Variants in SMC2 observed in about 807,000 individuals in gnomAD.
SMC2 encodes the protein structural maintenance of chromosomes 2, also known as structural maintenance of chromosomes protein 2.
In SMC2, 41 loss-of-function variants were observed where a neutral mutation model predicts 142.6. That is an observed-to-expected ratio of 0.29 (90% confidence interval 0.22 to 0.37). The LOEUF is 0.37. SMC2 is among the 10% of genes least tolerant of loss of function. The pLI, the probability that SMC2 is intolerant of heterozygous loss-of-function variation, is 1.00. For synonymous variants in SMC2, 463 were observed against 457.5 expected (o/e 1.01, Z -0.15); for missense variants, 1,265 against 1,373.7 (o/e 0.92, Z 1.25).
Position 104,116,115 on chromosome 9 carries a change from A to G in SMC2, c.1672-85A>G, listed in dbSNP as rs375745442. On this transcript the variant is annotated intron_variant, in intron 13 of 24. Coordinates refer to ENST00000374793, the MANE Select transcript of SMC2 (RefSeq NM_006444.3). ...TTGGGATAAATGGCACTAAACATTC[A>G]TTTATTATAGACTACTAAACTTGCA... The G allele has an allele frequency of 2.6e-5, 31 of 1,213,728 alleles. No individual in the cohort carries two copies. The East Asian group carries it at 7.4e-4, about 29-fold the overall frequency. 75.2% of individuals were successfully genotyped at this position (1,213,728 alleles called of 1,614,324 possible).
Position 104,120,033 on chromosome 9 carries a change from G to T in SMC2, c.2003G>T (p.Arg668Leu). 6.2e-7 allele frequency: 1 copy of T among 1,613,832 alleles called. No homozygotes were observed. The highest frequency in any genetic ancestry group is 8.5e-7 in the Non-Finnish European group (1 of 1,179,874). ...TTCAATTTGCCTCTATCAGGTGCTC[G>T]ATCCCAGGCAGCTTCCATTTTAACC... ...DPHGTLSGGA[R>L]SQAASILTKF... The change falls in exon 16 of 25, where the codon CGA becomes CTA. Residue 668 changes from arginine (R) to leucine (L), a missense_variant. By Grantham distance (102) the Arg-to-Leu change is moderately radical. Around this residue, in one of 4 missense-constraint regions of SMC2, gnomAD observed 898 missense variants for 904.2 expected, o/e 0.99. Transcript: ENST00000374793.
Position 104,100,140 on chromosome 9 carries a change from CA to C in SMC2, c.535del (p.Ile179Ter), listed in dbSNP as rs1190851291. On this transcript the variant is annotated frameshift_variant, in exon 6 of 25. Transcript: ENST00000374793. LOFTEE classifies it high-confidence loss of function. ...EAAGTRMYEY[K>X]KIAAQKTIEK... ...CAGCTGGAACCAGGATGTATGAATACAAAAAAATAGCTGCACAGAAAACTAT... is the reference window on the plus strand; with the variant it reads ...CAGCTGGAACCAGGATGTATGAATACAAAAAATAGCTGCACAGAAAACTAT... The C allele has an allele frequency of 2.5e-6, 4 of 1,577,336 alleles. No individual in the cohort carries two copies. The South Asian group carries it at 3.6e-5, about 14-fold the overall frequency.
intron 9 of SMC2, among the ~76,000 whole-genome samples, chr9:104,110,167 A>G (rs963467342): frequency 6.6e-6 from 1 of 152,152 alleles, no homozygotes; most frequent in Non-Finnish European, 1.5e-5. Context: ...CCCGAATAAC[A>G]TGGGATCCAT....
In SMC2 at chr9:104,111,724, C is replaced by T. The variant is rs2131380380; in HGVS notation, c.1164C>T (p.Ser388=). 6.2e-7 allele frequency: 1 copy of T among 1,614,010 alleles called. No homozygotes were observed. Among genetic ancestry groups the T allele is most frequent in the Non-Finnish European group, 8.5e-7 (1 of 1,179,944 alleles). The change falls in exon 10 of 25, where the codon TCC becomes TCT. Residue 388 remains serine, a synonymous_variant. Transcript: ENST00000374793. ...TCAATGCTGTTTCCGCTGGCCTGTC[C>T]AGTAATGAAGATGGAGCAGAAGCAA... is the stretch of plus-strand genomic sequence containing the variant. ...QHFNAVSAGL[S]SNEDGAEATL...
chr9:104,110,007 T>C (rs897444293), intron 9 of SMC2, among the ~76,000 whole-genome samples: 4 of 152,214 alleles, frequency 2.6e-5, no homozygotes, highest in African/African-American at 9.6e-5. Context: ...CACCTCCTGT[T>C]GCTATTGTGG....
chr9:104,093,483 C>T (rs1456673127), upstream of SMC2, among the ~76,000 whole-genome samples: 2 of 152,158 alleles, frequency 1.3e-5, no homozygotes, highest in African/African-American at 4.8e-5. Context: ...AGGGCAATTT[C>T]TGATTTCATA....
At chr9:104,129,221 G>A (rs192452204) in intron 20 of SMC2, among the ~76,000 whole-genome samples, 47 of 152,120 alleles carry the variant, frequency 3.1e-4, no homozygotes, top group Middle Eastern at 3.4e-3. Context: ...AAAATGAGTC[G>A]CCTAGGCACG....
chr9:104,127,010 T>C (rs1834376774), intron 19 of SMC2, among the ~76,000 whole-genome samples: 1 of 150,608 alleles, frequency 6.6e-6, no homozygotes, highest in South Asian at 2.1e-4. Context: ...CCATCTACAT[T>C]ACATCTAACA....
rs3818626 is a variant in SMC2 at position 104,094,352 on chromosome 9, C to T, written c.-187C>T. 204,605 of 398,576 alleles carry T rather than the reference C, an allele frequency of 0.51. 55,509 individuals are homozygous for T. The highest frequency in any genetic ancestry group is 0.57 in the Middle Eastern group (908 of 1,588). The allele number at this position is 398,576 out of a possible 1,614,324, so 24.7% of individuals were successfully genotyped here. On this transcript the variant is annotated 5_prime_UTR_variant, in exon 1 of 25. Coordinates refer to ENST00000374793, the MANE Select transcript of SMC2 (RefSeq NM_006444.3). ...GGCGCGGGTGTTGAGAGCGGTGTGG[C>T]AGGTGTTGTAGCCGCTATGGTGAAG...
chr9:104,100,455 A>G, intron 7 of SMC2, 22 bp downstream of exon 7: 1 of 1,392,588 alleles, frequency 7.2e-7, no homozygotes, highest in Middle Eastern at 1.8e-4. Flanking sequence ...ATATGTGAGG[A>G]TAATCTATTA....
At chr9:104,126,585 T>C in intron 18 of SMC2, 56 bp from the exon 19 acceptor site, 2 of 1,317,292 alleles carry the variant, frequency 1.5e-6, no homozygotes, top group Non-Finnish European at 2.1e-6. Context: ...CTGTACATAT[T>C]TGTTTTTCAG....
chr9:104,120,182 T>C lies in SMC2; in HGVS notation c.2132+20T>C. The C allele has an allele frequency of 6.4e-7, 1 of 1,560,306 alleles. No homozygotes were observed. The highest frequency in any genetic ancestry group is 8.6e-7 in the Non-Finnish European group (1 of 1,159,502). ...TGAAAAGTAAGAACTGCATATACTT[T>C]TTTTAATTAAAGATTTGCATAGTAG... On this transcript the variant is annotated intron_variant, in intron 16 of 24. Transcript: ENST00000374793.
chr9:104,131,993 G>A lies in SMC2; in HGVS notation c.2992-16G>A. On this transcript the variant is annotated splice_polypyrimidine_tract_variant and intron_variant, in intron 21 of 24. Transcript: ENST00000374793. Reference sequence around the variant, plus strand: ...ATTTTATATTTTCCCAGTTAACCATGTTTTTTATCTCATAGTACAATGACT... The same window carrying A: ...ATTTTATATTTTCCCAGTTAACCATATTTTTTATCTCATAGTACAATGACT... The A allele has an allele frequency of 7.9e-7, 1 of 1,266,224 alleles. No individual in the cohort carries two copies. 78.4% of individuals were successfully genotyped at this position (1,266,224 alleles called of 1,614,324 possible). A position where few individuals can be genotyped will look rare whatever the true frequency, so the allele number is the denominator to read the frequency against.
At chr9:104,117,371 T>C (rs1449104429) in intron 14 of SMC2, among the ~76,000 whole-genome samples, 1 of 152,236 alleles carries the variant, frequency 6.6e-6, no homozygotes, top group South Asian at 2.1e-4. Context: ...GCTTCCTTCA[T>C]TGTGACTGCC....
Position 104,125,114 on chromosome 9 carries a change from TTC to T in SMC2, c.2451+11_2451+12del, listed in dbSNP as rs1338696198. ...TGAAAGAAAAACAACAGGTAATAAC[TTC>T]TTTTTGAAATTGAACCAACCTTTTA... On this transcript the variant is annotated intron_variant, in intron 18 of 24. Coordinates refer to ENST00000374793, the MANE Select transcript of SMC2 (RefSeq NM_006444.3). The T allele has an allele frequency of 1.9e-6, 3 of 1,561,928 alleles. No individual in the cohort carries two copies. The highest frequency in any genetic ancestry group is 2.6e-6 in the Non-Finnish European group (3 of 1,161,826).
chr9:104,095,005 G>A (rs1830298116), intron 1 of SMC2, among the ~76,000 whole-genome samples: 1 of 152,168 alleles, frequency 6.6e-6, no homozygotes, highest in Non-Finnish European at 1.5e-5. Context: ...TCAGAGAAAA[G>A]CACATTATAG....
upstream of SMC2, among the ~76,000 whole-genome samples, chr9:104,089,272 A>G (rs988435567): frequency 6.6e-6 from 1 of 152,164 alleles, no homozygotes. Context: ...TGTAAGAGGT[A>G]GTGGAGATGT....
chr9:104,139,925 T>C lies in SMC2; in HGVS notation c.*610T>C, dbSNP rs998587269. ...ATGTTCCTATACGCTTAATAATTGG[T>C]CTCTACGTTTTAATGATACATGAAT... is the stretch of plus-strand genomic sequence containing the variant. On this transcript the variant is annotated 3_prime_UTR_variant, in exon 25 of 25. Coordinates refer to ENST00000374793, the MANE Select transcript of SMC2 (RefSeq NM_006444.3). 3 of 151,694 alleles carry C rather than the reference T, an allele frequency of 2.0e-5. No individual in the cohort carries two copies. The highest frequency in any genetic ancestry group is 7.3e-5 in the African/African-American group (3 of 41,126). 9.4% of individuals were successfully genotyped at this position (151,694 alleles called of 1,614,324 possible). A position where few individuals can be genotyped will look rare whatever the true frequency, so the allele number is the denominator to read the frequency against.
intron 15 of SMC2, among the ~76,000 whole-genome samples, 193 bp from the exon 16 acceptor site, chr9:104,119,834 A>G (rs1833532756): frequency 1.3e-5 from 2 of 152,246 alleles, no homozygotes; most frequent in African/African-American, 2.4e-5. Context: ...AATACCTACT[A>G]CAACCTCTTG....
Sources: gnomAD v4.1 joint callset for allele counts (sites outside exome capture counted in the v4.1 genomes callset) on GRCh38, gnomAD v4.1.1 for gene constraint, gnomAD v4.1.1 regional missense constraint, MANE v1.5 for transcripts, NCBI Gene and HGNC (gene_info 2026-07-23, HGNC 2026-07-21) for gene names.